PLOD2: variants seen among roughly 807,000 people sequenced by gnomAD.
The protein encoded by PLOD2 is procollagen-lysine,2-oxoglutarate 5-dioxygenase 2.
A neutral mutation model predicts 101.0 loss-of-function variants in PLOD2; 65 were observed. That is an observed-to-expected ratio of 0.64 (90% confidence interval 0.53 to 0.79). The LOEUF (loss-of-function observed/expected upper bound fraction) is 0.79. Among genes scored for constraint, PLOD2 ranks in the 30% least tolerant of loss-of-function variants. The pLI is 0.00. For missense variants in PLOD2, 909 were observed against 914.6 expected (o/e 0.99, Z 0.08); for synonymous variants, 314 against 302.9 (o/e 1.04, Z -0.38).
Position 146,071,429 on chromosome 3 carries a change from A to C in PLOD2, c.1849-6T>G. On this transcript the variant is annotated splice_region_variant and splice_polypyrimidine_tract_variant and intron_variant, in intron 17 of 19. Transcript: ENST00000282903. ...CCACCAGATATACGGCTATCCTAGAAACAACATTAATGACATAATAAGCTG... is the reference window on the plus strand; with the variant it reads ...CCACCAGATATACGGCTATCCTAGACACAACATTAATGACATAATAAGCTG... 3 of 1,610,926 alleles carry C rather than the reference A, an allele frequency of 1.9e-6. No homozygotes were observed. The highest frequency in any genetic ancestry group is 2.5e-6 in the Non-Finnish European group (3 of 1,177,722).
chr3:146,103,368 A>C (rs1465577890), intron 6 of PLOD2, among the ~76,000 whole-genome samples: 1 of 152,162 alleles, frequency 6.6e-6, no homozygotes, highest in Non-Finnish European at 1.5e-5. Flanking sequence ...GACTTAGCAC[A>C]TTAAGCAAGA....
chr3:146,119,582 TC>T (rs199531679), intron 3 of PLOD2, among the ~76,000 whole-genome samples: 1,564 of 152,116 alleles, frequency 0.01, 35 homozygotes, highest in African/African-American at 0.036. Flanking sequence ...CCTAATGCTA[TC>T]CCTCCCCCAT....
rs1445099431 is a variant in PLOD2 at position 146,085,166 on chromosome 3, T to C, written c.1232+3A>G. The C allele has an allele frequency of 4.7e-6, 6 of 1,277,920 alleles. No homozygotes were observed. The highest frequency in any genetic ancestry group is 1.9e-4 in the Middle Eastern group (1 of 5,384). The allele number at this position is 1,277,920 out of a possible 1,614,324, so 79.2% of individuals were successfully genotyped here. ...TAAATTGATATCGAATTTTAGAAAG[T>C]ACCTGTTTTGTTCAATCAAAATTTT... On this transcript the variant is annotated splice_donor_region_variant and intron_variant, in intron 11 of 19. Coordinates refer to ENST00000282903, the MANE Select transcript of PLOD2 (RefSeq NM_182943.3).
intron 5 of PLOD2, chr3:146,104,863 G>C (rs1688340835): frequency 1.9e-5 from 3 of 155,222 alleles, no homozygotes; most frequent in Admixed American, 1.9e-4. Context: ...TGGGTATTAT[G>C]AGTGGGCACA....
chr3:146,092,816 T>G (rs3804663), intron 7 of PLOD2, among the ~76,000 whole-genome samples: 27,235 of 152,046 alleles, frequency 0.18, 2,926 homozygotes, highest in South Asian at 0.26. Context: ...GGGAAGATCC[T>G]GCTGAGTAAA....
rs1055430662 is a variant in PLOD2 at position 146,072,587 on chromosome 3, C to T, written c.1822G>A (p.Gly608Ser). 14 of 1,608,786 alleles carry T rather than the reference C, an allele frequency of 8.7e-6. No homozygotes were observed. Among genetic ancestry groups the T allele is most frequent in the African/African-American group, 1.3e-5 (1 of 74,694 alleles). ...DELVEEMEHYGKWSGGKHHDS... is the reference protein window; with the variant it reads ...DELVEEMEHYSKWSGGKHHDS... ...TGATGTTTTCCCCCAGACCATTTGC[C>T]GTAATGTTCCATTTCTTCTACCAAT... The change falls in exon 17 of 20, where the codon GGC (glycine) becomes AGC (serine). Residue 608 changes from glycine to serine, a missense_variant. Gly to Ser is a moderately conservative substitution (Grantham distance 56). Coordinates refer to ENST00000282903, the MANE Select transcript of PLOD2 (RefSeq NM_182943.3).
Position 146,071,369 on chromosome 3 carries a change from T to C in PLOD2, c.1903A>G (p.Lys635Glu), listed in dbSNP as rs746675648. The change falls in exon 18 of 20, where the codon AAG (lysine) becomes GAG (glutamate). Residue 635 changes from lysine to glutamate, a missense_variant. Transcript: ENST00000282903. ...ENVPTDDIHM[K>E]QVDLENVWLH... ...CATACATTCTCCAGATCAACTTGCT[T>C]CATGTGGATATCATCAGTTGGGACA... is the stretch of plus-strand genomic sequence containing the variant. 1.2e-6 allele frequency: 2 copies of C among 1,612,032 alleles called. No homozygotes were observed. The highest frequency in any genetic ancestry group is 2.2e-5 in the South Asian group (2 of 91,050).
chr3:146,131,419 G>A (rs1446538815), intron 1 of PLOD2, among the ~76,000 whole-genome samples: 1 of 152,186 alleles, frequency 6.6e-6, no homozygotes, highest in African/African-American at 2.4e-5. Context: ...TTATCTGAAA[G>A]AGGTACTATG....
rs1474511789 is a variant in PLOD2, at chr3:146,083,583, T to C, written c.1232+1586A>G. 7.1e-4 allele frequency among the ~76,000 whole-genome samples: 87 copies of C among 122,156 alleles called. 1 individual carries two copies. The highest frequency in any genetic ancestry group is 6.1e-3 in the Admixed American group (78 of 12,786). 80.1% of individuals were successfully genotyped at this position (122,156 alleles called of 152,430 possible). A position where few individuals can be genotyped will look rare whatever the true frequency, so the allele number is the denominator to read the frequency against. ...ATGGCAGGTAAGTCTTTTTCTTTTTTTTTTTTTTTTTTTTTTGAGACGGAG... is the reference window on the plus strand; with the variant it reads ...ATGGCAGGTAAGTCTTTTTCTTTTTCTTTTTTTTTTTTTTTTGAGACGGAG... On this transcript the variant is annotated intron_variant, in intron 11 of 19. Coordinates refer to ENST00000282903, the MANE Select transcript of PLOD2 (RefSeq NM_182943.3).
chr3:146,073,500 C>A, intron 15 of PLOD2, 148 bp from the exon 16 acceptor site: 1 of 393,630 alleles, frequency 2.5e-6, no homozygotes, highest in South Asian at 6.0e-5. Context: ...CAGTATATAG[C>A]CTAATCTTTG....
At chr3:146,103,149 C>A (rs1937451296) in intron 6 of PLOD2, among the ~76,000 whole-genome samples, 1 of 152,184 alleles carries the variant, frequency 6.6e-6, no homozygotes. Context: ...ATCTTGCAAT[C>A]CTGCCTTTGC....
intron 9 of PLOD2, among the ~76,000 whole-genome samples, chr3:146,087,380 C>T (rs752488270): frequency 6.6e-6 from 1 of 151,682 alleles, no homozygotes; most frequent in Non-Finnish European, 1.5e-5. Context: ...ACAAAATACC[C>T]TTTGAAACCA....
chr3:146,158,664 C>CT (rs138390848), intron 1 of PLOD2, among the ~76,000 whole-genome samples: 7,138 of 145,040 alleles, frequency 0.049, 436 homozygotes, highest in African/African-American at 0.15. Flanking sequence ...GACATTAGGC[C>CT]TTTTTTGTTT....
At chr3:146,153,205 A>G (rs535959982) in intron 1 of PLOD2, among the ~76,000 whole-genome samples, 155 of 152,314 alleles carry the variant, frequency 1.0e-3, no homozygotes, top group African/African-American at 3.5e-3. Flanking sequence ...AGACTTCCCC[A>G]GGTGATCACA....
intron 10 of PLOD2, chr3:146,086,567 T>C: frequency 6.9e-6 from 2 of 290,940 alleles, no homozygotes; most frequent in Non-Finnish European, 1.3e-5. Flanking sequence ...ATTAAATATG[T>C]GGACTCGTAG....
intron 1 of PLOD2, among the ~76,000 whole-genome samples, chr3:146,130,075 T>TC (rs2030819587): frequency 6.6e-6 from 1 of 152,174 alleles, no homozygotes; most frequent in South Asian, 2.1e-4. Context: ...TTCTCTCCTC[T>TC]CCAATCTCAT....
intron 3 of PLOD2, among the ~76,000 whole-genome samples, chr3:146,118,033 CA>C (rs1213178274): frequency 6.6e-6 from 1 of 152,072 alleles, no homozygotes; most frequent in Non-Finnish European, 1.5e-5. Flanking sequence ...ATTTCTGACT[CA>C]CATGTAGTAA....
intron 1 of PLOD2, among the ~76,000 whole-genome samples, chr3:146,125,351 C>A (rs1380176298): frequency 6.6e-6 from 1 of 151,706 alleles, no homozygotes; most frequent in Non-Finnish European, 1.5e-5. Flanking sequence ...TAAGTAAGTA[C>A]AATATACAAA....
intron 1 of PLOD2, among the ~76,000 whole-genome samples, chr3:146,131,136 T>C (rs1360958325): frequency 6.6e-6 from 1 of 152,172 alleles, no homozygotes; most frequent in Non-Finnish European, 1.5e-5. Flanking sequence ...ATTTCACACA[T>C]GTTGTCACAA....
Sources: allele counts gnomAD v4.1 joint callset (sites outside exome capture counted in the v4.1 genomes callset), GRCh38; gene constraint gnomAD v4.1.1; transcripts MANE v1.5; gene names NCBI Gene and HGNC (gene_info 2026-07-23, HGNC 2026-07-21).